Variants in TESC observed in about 807,000 individuals in gnomAD.
TESC encodes tescalcin, also known as calcineurin B homologous protein 3.
TESC carries 19 observed loss-of-function variants against 31.0 expected under a neutral mutation model. The ratio of observed to expected loss-of-function variants is 0.61; its 90% CI spans 0.43 to 0.90. The LOEUF is 0.90. Among genes scored for constraint, TESC ranks in the 40% least tolerant of loss-of-function variants. The pLI is 0.00. For synonymous variants in TESC, 109 were observed against 114.8 expected (o/e 0.95, Z 0.32); for missense variants, 248 against 303.8 (o/e 0.82, Z 1.36).
At chr12:117,075,895 A>ATGTGTGTG in intron 1 of TESC, among the ~76,000 whole-genome samples, 1 of 83,044 alleles carries the variant, frequency 1.2e-5, no homozygotes, top group East Asian at 2.6e-4. Context: ...ATATATATAT[A>ATGTGTGTG]TATATATATA....
chr12:117,085,823 T>G (rs1187839304), intron 1 of TESC, among the ~76,000 whole-genome samples: 2 of 152,010 alleles, frequency 1.3e-5, no homozygotes, highest in Non-Finnish European at 2.9e-5. Context: ...GATACAGAGG[T>G]GACAACGGGA....
chr12:117,070,538 G>A (rs7953755), intron 2 of TESC, among the ~76,000 whole-genome samples: 64,695 of 151,770 alleles, frequency 0.43, 14,518 homozygotes, highest in African/African-American at 0.55. Context: ...CCCACCCCCA[G>A]TAGCAGGGCA....
At chr12:117,053,782 A>G (rs1352428326) in intron 3 of TESC, 1 of 152,230 alleles carries the variant, frequency 6.6e-6, no homozygotes, top group Non-Finnish European at 1.5e-5. Context: ...ACACGCACGC[A>G]CCCACAGGCA....
intron 1 of TESC, among the ~76,000 whole-genome samples, chr12:117,075,953 A>G (rs1381130269): frequency 7.7e-5 from 9 of 116,788 alleles, no homozygotes; most frequent in African/African-American, 2.9e-4. Context: ...ATATATACAT[A>G]TATATATATA....
At position 117,072,584 on chromosome 12, in the gene TESC, C is replaced by T. The variant is rs539774903; in HGVS notation, c.128+2687G>A. 8.5e-5 allele frequency among the ~76,000 whole-genome samples: 13 copies of T among 152,320 alleles called. No individual in the cohort carries two copies. The South Asian group carries it at 2.7e-3, about 32-fold the overall frequency. ...TGTAGAATATGAACCTAAAGTTCAC[C>T]ACCCAAAGTTGGATGGATCTAACAT... On this transcript the variant is annotated intron_variant, in intron 2 of 7. Transcript: ENST00000335209.
At chr12:117,087,622 T>C (rs1955234961) in intron 1 of TESC, among the ~76,000 whole-genome samples, 1 of 152,236 alleles carries the variant, frequency 6.6e-6, no homozygotes, top group Non-Finnish European at 1.5e-5. Flanking sequence ...CGCTCATCTA[T>C]GTTCCCTTCC....
intron 2 of TESC, among the ~76,000 whole-genome samples, chr12:117,063,541 T>C (rs985806585): frequency 1.3e-5 from 2 of 152,164 alleles, no homozygotes; most frequent in Non-Finnish European, 2.9e-5. Flanking sequence ...CTAGGGGTAC[T>C]GAGCATGGAG....
chr12:117,046,700 G>C, intron 5 of TESC, 34 bp from the exon 6 acceptor site: 1 of 1,552,392 alleles, frequency 6.4e-7, no homozygotes, highest in East Asian at 2.4e-5. Context: ...CGGTGACCTT[G>C]GGCCTCCATC....
intron 4 of TESC, chr12:117,048,786 C>G (rs1351426531): frequency 1.4e-6 from 1 of 691,174 alleles, no homozygotes; most frequent in African/African-American, 1.8e-5. Context: ...CGCACAACCC[C>G]CTTCTAGTCC....
intron 1 of TESC, among the ~76,000 whole-genome samples, chr12:117,094,230 T>C (rs1955361235): frequency 6.6e-6 from 1 of 152,154 alleles, no homozygotes; most frequent in Non-Finnish European, 1.5e-5. Context: ...AATCAATCAA[T>C]GAGACTCTAA....
At chr12:117,087,072 G>A (rs1319598430) in intron 1 of TESC, among the ~76,000 whole-genome samples, 2 of 152,198 alleles carry the variant, frequency 1.3e-5, no homozygotes, top group Admixed American at 6.5e-5. Flanking sequence ...CCTGGCACAC[G>A]CAGGGCACTT....
chr12:117,075,865 ATATATG>A (rs1306006497), intron 1 of TESC, among the ~76,000 whole-genome samples: 14 of 43,826 alleles, frequency 3.2e-4, no homozygotes, highest in African/African-American at 1.4e-3. Context: ...ATATATATAT[ATATATG>A]TGTGTATATA....
At chr12:117,087,102 T>G (rs552515863) in intron 1 of TESC, among the ~76,000 whole-genome samples, 22 of 152,340 alleles carry the variant, frequency 1.4e-4, no homozygotes, top group African/African-American at 5.1e-4. Flanking sequence ...GGATGCTGGC[T>G]CCTCTCCTTC....
intron 1 of TESC, among the ~76,000 whole-genome samples, chr12:117,082,544 A>G (rs1955163420): frequency 6.6e-6 from 1 of 152,128 alleles, no homozygotes; most frequent in Non-Finnish European, 1.5e-5. Flanking sequence ...TGAGCCACAG[A>G]AAATGAGACA....
chr12:117,055,266 C>T (rs11611741), intron 3 of TESC, among the ~76,000 whole-genome samples: 2 of 152,010 alleles, frequency 1.3e-5, no homozygotes, highest in Admixed American at 6.6e-5. Flanking sequence ...CTCAGCCTCC[C>T]GAGTAGTTGG....
At position 117,040,820 on chromosome 12, in the gene TESC, G is replaced by A. The variant is rs1954471545; in HGVS notation, c.567+1127C>T. Reference sequence around the variant, plus strand: ...GCCGGTTCTAACCGTTGGCTGCCAGGCTTGGCCTCGGCTCCATGGGGCTGT... The same window carrying A: ...GCCGGTTCTAACCGTTGGCTGCCAGACTTGGCCTCGGCTCCATGGGGCTGT... On this transcript the variant is annotated intron_variant, in intron 7 of 7. Coordinates refer to ENST00000335209, the MANE Select transcript of TESC (RefSeq NM_017899.4). Among the ~76,000 whole-genome samples, 3 of 152,308 alleles carry A rather than the reference G, an allele frequency of 2.0e-5. No individual in the cohort carries two copies. In the South Asian group the frequency reaches 6.2e-4, roughly 32 times the overall value.
At chr12:117,065,584 G>C (rs1954866326) in intron 2 of TESC, among the ~76,000 whole-genome samples, 1 of 152,158 alleles carries the variant, frequency 6.6e-6, no homozygotes, top group South Asian at 2.1e-4. Context: ...GAGGTCCTGG[G>C]AGGACATACA....
At chr12:117,067,234 G>GC (rs1368214210) in intron 2 of TESC, among the ~76,000 whole-genome samples, 2 of 152,036 alleles carry the variant, frequency 1.3e-5, no homozygotes, top group African/African-American at 4.8e-5. Context: ...GCTAGGTAGG[G>GC]CCTCAGCAAC....
chr12:117,066,058 T>C (rs183332197), intron 2 of TESC, among the ~76,000 whole-genome samples: 3 of 152,004 alleles, frequency 2.0e-5, no homozygotes, highest in Admixed American at 6.6e-5. Context: ...CTCCCTCTTC[T>C]CTTCACACAC....
Sources: allele counts gnomAD v4.1 joint callset (sites outside exome capture counted in the v4.1 genomes callset), GRCh38; gene constraint gnomAD v4.1.1; transcripts MANE v1.5; gene names NCBI Gene and HGNC (gene_info 2026-07-23, HGNC 2026-07-21).